SPMIP2: variants seen among roughly 807,000 people sequenced by gnomAD.
SPMIP2 encodes the protein sperm microtubule inner protein 2, also known as protein SPMIP2.
chr4:158,973,270 G>A, the SPMIP2 span: 1 of 1,613,718 alleles, frequency 6.2e-7, no homozygotes, highest in Non-Finnish European at 8.5e-7. Context: ...TAGGAGGTGT[G>A]CTGATGAATT....
chr4:159,000,321 C>T, the SPMIP2 span, among the ~76,000 whole-genome samples: 7 of 152,110 alleles, frequency 4.6e-5, no homozygotes, highest in Non-Finnish European at 8.8e-5. Context: ...ACAGCTCTAT[C>T]CATGGATTCT....
At chr4:159,036,414 G>A in the SPMIP2 span, among the ~76,000 whole-genome samples, 1 of 152,144 alleles carries the variant, frequency 6.6e-6, no homozygotes, top group Non-Finnish European at 1.5e-5. Context: ...CTTTTCCAGG[G>A]GAGCCTATGT....
At chr4:158,894,619 GAATATTATTTTT>G in the SPMIP2 span, among the ~76,000 whole-genome samples, 2 of 152,072 alleles carry the variant, frequency 1.3e-5, no homozygotes, top group Non-Finnish European at 2.9e-5. Context: ...AATGTAATAT[GAATATTATTTTT>G]AATATTTTGT....
chr4:158,984,094 T>A, the SPMIP2 span, among the ~76,000 whole-genome samples: 313 of 111,832 alleles, frequency 2.8e-3, no homozygotes, highest in Middle Eastern at 4.0e-3. Context: ...AGAAGAGCTA[T>A]CTATCCTAAA....
At chr4:158,973,363 CTT>C in the SPMIP2 span, 1 of 1,195,018 alleles carries the variant, frequency 8.4e-7, no homozygotes, top group South Asian at 1.5e-5. Flanking sequence ...TTCTAAGATA[CTT>C]TTGTTATTTT....
At chr4:158,950,512 C>CAAGGGA in the SPMIP2 span, among the ~76,000 whole-genome samples, 1 of 152,104 alleles carries the variant, frequency 6.6e-6, no homozygotes, top group East Asian at 1.9e-4. Context: ...ATGTTCAATG[C>CAAGGGA]AAGGGAAAGG....
At chr4:158,992,997 T>C in the SPMIP2 span, among the ~76,000 whole-genome samples, 25 of 152,150 alleles carry the variant, frequency 1.6e-4, no homozygotes, top group African/African-American at 6.0e-4. Flanking sequence ...TGATGAAAAG[T>C]GCACATGCTT....
At chr4:158,927,242 T>C in the SPMIP2 span, among the ~76,000 whole-genome samples, 1 of 152,194 alleles carries the variant, frequency 6.6e-6, no homozygotes, top group Non-Finnish European at 1.5e-5. Flanking sequence ...TTAAAAATGC[T>C]CTTCTTTATC....
At chr4:159,016,931 C>T in the SPMIP2 span, among the ~76,000 whole-genome samples, 5 of 152,174 alleles carry the variant, frequency 3.3e-5, no homozygotes, top group African/African-American at 1.2e-4. Context: ...TAAGTAACTA[C>T]CACCCTGGAA....
the SPMIP2 span, among the ~76,000 whole-genome samples, chr4:158,938,623 C>T: frequency 6.6e-6 from 1 of 152,244 alleles, no homozygotes. Context: ...GCCATAGTGA[C>T]GTCACCAGGA....
chr4:158,908,207 A>G, the SPMIP2 span, among the ~76,000 whole-genome samples: 1 of 152,154 alleles, frequency 6.6e-6, no homozygotes, highest in Non-Finnish European at 1.5e-5. Flanking sequence ...GCATAATGCC[A>G]GGTTAGGGTT....
the SPMIP2 span, among the ~76,000 whole-genome samples, chr4:158,903,453 C>T: frequency 2.0e-5 from 3 of 152,166 alleles, no homozygotes; most frequent in Non-Finnish European, 4.4e-5. Flanking sequence ...TTTCCATTGC[C>T]AAATGTGTGC....
chr4:159,007,049 TA>T, the SPMIP2 span: 1 of 462,260 alleles, frequency 2.2e-6, no homozygotes. Context: ...TATTTTCTTC[TA>T]AAATGTATTT....
the SPMIP2 span, among the ~76,000 whole-genome samples, chr4:158,894,185 T>TG: frequency 6.6e-6 from 1 of 151,530 alleles, no homozygotes; most frequent in East Asian, 1.9e-4. Context: ...TTTTTTTTTT[T>TG]TTTGAGACAG....
the SPMIP2 span, among the ~76,000 whole-genome samples, chr4:158,935,696 A>C: frequency 6.6e-6 from 1 of 152,358 alleles, no homozygotes; most frequent in Admixed American, 6.5e-5. Context: ...TTATTTGAGA[A>C]ATGACCAAGA....
the SPMIP2 span, among the ~76,000 whole-genome samples, chr4:158,908,877 G>A: frequency 1.2e-4 from 18 of 152,106 alleles, no homozygotes; most frequent in Non-Finnish European, 2.1e-4. Flanking sequence ...TAGTAGAAAC[G>A]AGGTTTCACC....
the SPMIP2 span, among the ~76,000 whole-genome samples, chr4:158,928,225 G>A: frequency 1.3e-4 from 19 of 151,898 alleles, no homozygotes; most frequent in African/African-American, 3.9e-4. Context: ...AAATACACCA[G>A]TCAGCACACT....
At chr4:158,989,290 T>C in the SPMIP2 span, among the ~76,000 whole-genome samples, 2 of 152,188 alleles carry the variant, frequency 1.3e-5, no homozygotes, top group Admixed American at 6.6e-5. Context: ...ATCAATATCA[T>C]GAAAATGGCC....
At chr4:159,059,110 T>A in the SPMIP2 span, among the ~76,000 whole-genome samples, 2 of 152,128 alleles carry the variant, frequency 1.3e-5, no homozygotes, top group Non-Finnish European at 2.9e-5. Context: ...CTTAGTAAAA[T>A]GAACAAAAAC....
Sources: gnomAD v4.1 joint callset for allele counts (sites outside exome capture counted in the v4.1 genomes callset) on GRCh38, gnomAD v4.1.1 for gene constraint, MANE v1.5 for transcripts, NCBI Gene and HGNC (gene_info 2026-07-23, HGNC 2026-07-21) for gene names.